The following SLC27A1 variants were observed in gnomAD, a reference collection of about 807,000 sequenced individuals.
The protein encoded by SLC27A1 is solute carrier family 27 member 1, also known as long-chain fatty acid transport protein 1.
In SLC27A1, 61 loss-of-function variants were observed where a neutral mutation model predicts 62.2. The ratio of observed to expected loss-of-function variants is 0.98; its 90% CI spans 0.80 to 1.21. The LOEUF (loss-of-function observed/expected upper bound fraction) is 1.21. Ranked by LOEUF, SLC27A1 falls within the 50% of genes most tolerant of loss-of-function variation. SLC27A1 has a pLI of 0.00. For missense variants in SLC27A1, 903 were observed against 932.1 expected (o/e 0.97, Z 0.41); for synonymous variants, 435 against 408.6 (o/e 1.06, Z -0.78).
In SLC27A1 at chr19:17,500,537, C is replaced by T. The variant is rs776516641; in HGVS notation, c.1376C>T (p.Pro459Leu). The change falls in exon 9 of 12, where the codon CCG becomes CTG. Residue 459 changes from proline to leucine, a missense_variant. Transcript: ENST00000252595. ...GTGGGTCAGATCAACCAACAGGACC[C>T]GCTGCGCCGCTTCGATGGCTATGTC... ...LLVGQINQQDPLRRFDGYVSE... is the reference protein window; with the variant it reads ...LLVGQINQQDLLRRFDGYVSE... 5.1e-5 allele frequency: 82 copies of T among 1,613,254 alleles called. 2 individuals carry two copies. The highest frequency in any genetic ancestry group is 4.4e-5 in the South Asian group (4 of 91,030).
chr19:17,502,922 G>A (rs893887325), intron 11 of SLC27A1, among the ~76,000 whole-genome samples: 17 of 152,070 alleles, frequency 1.1e-4, no homozygotes, highest in African/African-American at 3.1e-4. Context: ...AGACATATCC[G>A]AGACTGGGTA....
At chr19:17,474,816 G>C (rs1459564165) in intron 1 of SLC27A1, among the ~76,000 whole-genome samples, 1 of 151,846 alleles carries the variant, frequency 6.6e-6, no homozygotes, top group Non-Finnish European at 1.5e-5. Context: ...TTTTAGTAGA[G>C]ACGGGGTTTC....
At chr19:17,469,931 TA>T (rs1290159454), upstream of SLC27A1, among the ~76,000 whole-genome samples, 2 of 38,696 alleles carry the variant, frequency 5.2e-5, no homozygotes, top group African/African-American at 2.2e-4. Flanking sequence ...ATGTCTAACC[TA>T]GGGGGTGGGG....
At chr19:17,494,020 CT>C (rs35491603) in intron 6 of SLC27A1, among the ~76,000 whole-genome samples, 172 of 135,738 alleles carry the variant, frequency 1.3e-3, no homozygotes, top group Admixed American at 1.6e-3. Flanking sequence ...GTAGCTGTTT[CT>C]TTTTTTTTTT....
chr19:17,471,446 T>C (rs561489756), intron 1 of SLC27A1, among the ~76,000 whole-genome samples: 1 of 151,966 alleles, frequency 6.6e-6, no homozygotes, highest in Non-Finnish European at 1.5e-5. Context: ...GGGGGCAGAT[T>C]CTGGTGTCCT....
At position 17,505,210 on chromosome 19, in the gene SLC27A1, T is replaced by C; in HGVS notation, c.*598T>C. ...GCCCGGCCTTTCCTTTTTCCTCTCC[T>C]CTCCTGCCGAGAGTGGAACACGCGT... On this transcript the variant is annotated 3_prime_UTR_variant, in exon 12 of 12. Transcript: ENST00000252595. 1 of 293,500 alleles carries C rather than the reference T, an allele frequency of 3.4e-6. No individual in the cohort carries two copies. Among genetic ancestry groups the C allele is most frequent in the East Asian group, 9.3e-5 (1 of 10,746 alleles). The allele number at this position is 293,500 out of a possible 1,614,324, so 18.2% of individuals were successfully genotyped here.
At chr19:17,476,630 C>G (rs563022207) in intron 1 of SLC27A1, among the ~76,000 whole-genome samples, 5 of 152,020 alleles carry the variant, frequency 3.3e-5, no homozygotes, top group Admixed American at 2.6e-4. Context: ...GCTACGTCGC[C>G]AGCACTTGAT....
At chr19:17,504,145 A>G (rs2075448557) in intron 11 of SLC27A1, among the ~76,000 whole-genome samples, 1 of 152,088 alleles carries the variant, frequency 6.6e-6, no homozygotes, top group East Asian at 1.9e-4. Flanking sequence ...CACAGGATGT[A>G]AGTTGCTAAA....
At chr19:17,501,185 A>C in intron 10 of SLC27A1, 88 bp from the exon 11 acceptor site, 2 of 1,534,522 alleles carry the variant, frequency 1.3e-6, no homozygotes, top group African/African-American at 1.4e-5. Context: ...GAGATTACAG[A>C]CCAGGGGCTA....
chr19:17,469,688 T>A (rs997053164), upstream of SLC27A1, among the ~76,000 whole-genome samples: 107 of 152,104 alleles, frequency 7.0e-4, no homozygotes, highest in African/African-American at 2.5e-3. Context: ...CTGAGGGGCT[T>A]CGAAGTAGAC....
chr19:17,480,227 C>A (rs970714023), intron 1 of SLC27A1, among the ~76,000 whole-genome samples: 1 of 151,830 alleles, frequency 6.6e-6, no homozygotes, highest in Non-Finnish European at 1.5e-5. Context: ...GGGGTTTCAC[C>A]ATGTTGGCCG....
In SLC27A1 at chr19:17,504,456, C is replaced by T. The variant is rs2075453363; in HGVS notation, c.1785C>T (p.Gly595=). ...ATCTGCCCCCCATCCCCACTATAGG[C>T]ACCTTCAAGATCCAGAAGACGAGGC... ...LRLLPQVDTT[G]TFKIQKTRLQ... The change falls in exon 12 of 12, where the codon GGC becomes GGT. Residue 595 remains glycine, a splice_region_variant and synonymous_variant. Transcript: ENST00000252595. 2.5e-6 allele frequency: 4 copies of T among 1,614,166 alleles called. No homozygotes were observed. Among genetic ancestry groups the T allele is most frequent in the East Asian group, 4.5e-5 (2 of 44,884 alleles).
Position 17,500,569 on chromosome 19 carries a change from A to G in SLC27A1, c.1408A>G (p.Ser470Gly), listed in dbSNP as rs1390029113. 6.2e-7 allele frequency: 1 copy of G among 1,613,730 alleles called. No homozygotes were observed. Among genetic ancestry groups the G allele is most frequent in the Non-Finnish European group, 8.5e-7 (1 of 1,179,916 alleles). ...LRRFDGYVSE[S>G]ATSKKIAHSV... Reference sequence around the variant, plus strand: ...CCGCTTCGATGGCTATGTCAGCGAGAGCGCCACCAGCAAGAAGATCGCCCA... The same window carrying G: ...CCGCTTCGATGGCTATGTCAGCGAGGGCGCCACCAGCAAGAAGATCGCCCA... Residue 470 changes from serine (S) to glycine (G), a missense_variant, in exon 9 of 12, where the codon AGC becomes GGC. By Grantham distance (56) the Ser-to-Gly change is moderately conservative (BLOSUM62 0). Coordinates refer to ENST00000252595, the MANE Select transcript of SLC27A1 (RefSeq NM_198580.3).
At chr19:17,477,702 G>A (rs1048257968) in intron 1 of SLC27A1, among the ~76,000 whole-genome samples, 11 of 150,684 alleles carry the variant, frequency 7.3e-5, no homozygotes, top group African/African-American at 1.7e-4. Context: ...ACAGGTGCCC[G>A]CCACCATGCC....
Position 17,487,311 on chromosome 19 carries a change from C to G in SLC27A1, c.700C>G (p.Gln234Glu). ...GGAGGCCTCTACTGCCCCCTTGGCA[C>G]AGATCCCCAGCAAGGGCATGGACGG... is the stretch of plus-strand genomic sequence containing the variant. ...LKEASTAPLAQIPSKGMDDRL... is the reference protein window; with the variant it reads ...LKEASTAPLAEIPSKGMDDRL... The change falls in exon 3 of 12, where the codon CAG becomes GAG. Residue 234 changes from glutamine (Q) to glutamate (E), a missense_variant. Transcript: ENST00000252595. 6.2e-7 allele frequency: 1 copy of G among 1,612,512 alleles called. No individual in the cohort carries two copies. Among genetic ancestry groups the G allele is most frequent in the South Asian group, 1.1e-5 (1 of 90,874 alleles).
intron 7 of SLC27A1, chr19:17,498,512 G>A (rs1455118411): frequency 1.2e-5 from 2 of 160,276 alleles, no homozygotes; most frequent in African/African-American, 4.8e-5. Context: ...TTCTTGCATA[G>A]GAAACACACC....
chr19:17,493,488 C>A (rs1374749757), intron 6 of SLC27A1, among the ~76,000 whole-genome samples: 1 of 148,058 alleles, frequency 6.8e-6, no homozygotes. Flanking sequence ...AATAAGGACA[C>A]AAGGAGAAAA....
Position 17,500,597 on chromosome 19 carries a change from G to A in SLC27A1, c.1436G>A (p.Ser479Asn), listed in dbSNP as rs1175242631. The change falls in exon 9 of 12, where the codon AGC (serine) becomes AAC (asparagine). Residue 479 changes from serine to asparagine, a missense_variant. Transcript: ENST00000252595. ...GCCACCAGCAAGAAGATCGCCCACA[G>A]CGTCTTCAGCAAGGGCGACAGCGCC... ...ESATSKKIAH[S>N]VFSKGDSAYL... 6.2e-7 allele frequency: 1 copy of A among 1,613,718 alleles called. No homozygotes were observed. The highest frequency in any genetic ancestry group is 8.5e-7 in the Non-Finnish European group (1 of 1,179,964).
At chr19:17,484,992 A>T (rs2075214406) in intron 1 of SLC27A1, among the ~76,000 whole-genome samples, 1 of 152,032 alleles carries the variant, frequency 6.6e-6, no homozygotes, top group South Asian at 2.1e-4. Flanking sequence ...CAGGTACTAC[A>T]ACAAACACAC....
Sources: allele counts gnomAD v4.1 joint callset (sites outside exome capture counted in the v4.1 genomes callset), GRCh38; gene constraint gnomAD v4.1.1; transcripts MANE v1.5; gene names NCBI Gene and HGNC (gene_info 2026-07-23, HGNC 2026-07-21).